DNAH2: variants seen among roughly 807,000 people sequenced by gnomAD.
DNAH2 encodes dynein axonemal heavy chain 2.
DNAH2 carries 323 observed loss-of-function variants against 523.5 expected under a neutral mutation model. That is an observed-to-expected ratio of 0.62 (90% CI 0.56 to 0.68). The LOEUF (loss-of-function observed/expected upper bound fraction) is 0.68, where lower values mean the gene tolerates loss of function less well. Ranked by LOEUF, DNAH2 falls within the 30% of genes least tolerant of loss-of-function variation. DNAH2 has a pLI of 0.00. For synonymous variants in DNAH2, 2,093 were observed against 2,177.4 expected (o/e 0.96, Z 1.08); for missense variants, 4,907 against 5,701.5 (o/e 0.86, Z 4.49).
At chr17:7,812,803 C>T (rs976624897) in intron 63 of DNAH2, among the ~76,000 whole-genome samples, 3 of 121,184 alleles carry the variant, frequency 2.5e-5, no homozygotes, top group African/African-American at 9.3e-5. Flanking sequence ...AAAAGCTGGG[C>T]GTGGTGGTGG....
In DNAH2 at chr17:7,831,410, T is replaced by C. The variant is rs781057830; in HGVS notation, c.12480T>C (p.Asp4160=). The C allele has an allele frequency of 3.7e-6, 6 of 1,614,090 alleles. No homozygotes were observed. Among genetic ancestry groups the C allele is most frequent in the Middle Eastern group, 1.6e-4 (1 of 6,062 alleles). ...CTCAGGTCCTTGAGTTGGCCGCTGATGTGAAGCAGAAGATCCCTGAAATGA... is the reference window on the plus strand; with the variant it reads ...CTCAGGTCCTTGAGTTGGCCGCTGACGTGAAGCAGAAGATCCCTGAAATGA... ...REEKVLELAA[D]VKQKIPEMID... is the part of the protein sequence containing the mutation. Residue 4160 remains aspartate (D), a synonymous_variant, in exon 81 of 86, where the codon GAT becomes GAC. Coordinates refer to ENST00000572933, the MANE Select transcript of DNAH2 (RefSeq NM_020877.5). The surrounding 1 kb of genome is among the most constrained non-coding windows in gnomAD (Gnocchi z 4.2).
intron 57 of DNAH2, 69 bp downstream of exon 57, chr17:7,801,779 G>C: frequency 1.2e-6 from 2 of 1,606,182 alleles, no homozygotes; most frequent in Non-Finnish European, 1.7e-6. Context: ...ATCTCTCATC[G>C]CACCCCCGGC....
At chr17:7,800,806 G>T (rs2077201522) in intron 56 of DNAH2, among the ~76,000 whole-genome samples, 1 of 149,174 alleles carries the variant, frequency 6.7e-6, no homozygotes, top group Non-Finnish European at 1.5e-5. Context: ...GGTGGAGCTT[G>T]CAGTGAGCCT....
intron 12 of DNAH2, among the ~76,000 whole-genome samples, chr17:7,744,900 G>A (rs1218986410): frequency 6.6e-6 from 1 of 152,216 alleles, no homozygotes; most frequent in East Asian, 1.9e-4. Context: ...TGGATATGAG[G>A]GCACACAGTT....
chr17:7,792,178 G>T, intron 45 of DNAH2, 74 bp from the exon 46 acceptor site: 1 of 1,602,236 alleles, frequency 6.2e-7, no homozygotes, highest in Non-Finnish European at 8.5e-7. Context: ...CCACCCGGTG[G>T]TCTGGGGCCC....
intron 12 of DNAH2, among the ~76,000 whole-genome samples, chr17:7,746,970 A>G (rs914514953): frequency 2.0e-5 from 3 of 151,602 alleles, no homozygotes; most frequent in Non-Finnish European, 4.4e-5. Flanking sequence ...CTGGGCAACA[A>G]GAGTGAAACT....
chr17:7,761,985 A>T (rs1597570728), intron 18 of DNAH2, among the ~76,000 whole-genome samples: 1 of 152,152 alleles, frequency 6.6e-6, no homozygotes, highest in East Asian at 1.9e-4. Context: ...AGTATCGCTG[A>T]AAGAGTGGTG....
intron 1 of DNAH2, 139 bp from the exon 2 acceptor site, chr17:7,719,582 G>A: frequency 9.2e-7 from 1 of 1,085,508 alleles, no homozygotes; most frequent in Non-Finnish European, 1.4e-6. Context: ...GGTTAATGGA[G>A]CAGGGTGTGG....
At chr17:7,755,829 T>G (rs1196213471) in intron 12 of DNAH2, among the ~76,000 whole-genome samples, 1 of 151,040 alleles carries the variant, frequency 6.6e-6, no homozygotes, top group African/African-American at 2.4e-5. Context: ...TTTGAGACAG[T>G]GTCTCTGTTG....
chr17:7,810,695 G>A (rs1463197660), intron 63 of DNAH2, among the ~76,000 whole-genome samples: 2 of 147,788 alleles, frequency 1.4e-5, no homozygotes, highest in African/African-American at 2.5e-5. Context: ...GCCCCCAAAT[G>A]TACCTTTTAA....
At chr17:7,784,213 G>A (rs574146645) in intron 39 of DNAH2, among the ~76,000 whole-genome samples, 2 of 152,138 alleles carry the variant, frequency 1.3e-5, no homozygotes, top group South Asian at 4.1e-4. Context: ...AAAATAAGTA[G>A]AGCAAATTTT....
Position 7,786,041 on chromosome 17 carries a change from C to G in DNAH2, c.6130-83C>G. The G allele has an allele frequency of 1.4e-6, 2 of 1,436,668 alleles. No homozygotes were observed. The highest frequency in any genetic ancestry group is 1.9e-6 in the Non-Finnish European group (2 of 1,037,404). The allele number at this position is 1,436,668 out of a possible 1,614,324, so 89.0% of individuals were successfully genotyped here. A position where few individuals can be genotyped will look rare whatever the true frequency, so the allele number is the denominator to read the frequency against. ...CCATTTTTAACAGTTTGAACGTATTCTCTCTGGCACCGGGGAGATTTTGAA... is the reference window on the plus strand; with the variant it reads ...CCATTTTTAACAGTTTGAACGTATTGTCTCTGGCACCGGGGAGATTTTGAA... On this transcript the variant is annotated intron_variant, in intron 39 of 85. Transcript: ENST00000572933. This position sits in a 1 kb window ranked among gnomAD's most constrained non-coding sequence, Gnocchi z 7.5.
intron 73 of DNAH2, among the ~76,000 whole-genome samples, chr17:7,822,368 C>T (rs1453183976): frequency 6.6e-6 from 1 of 152,222 alleles, no homozygotes; most frequent in African/African-American, 2.4e-5. Context: ...GCCACGCAGG[C>T]CTCATTGCCC....
chr17:7,771,498 C>G (rs1399015129), intron 28 of DNAH2, 30 bp downstream of exon 28: 19 of 1,611,692 alleles, frequency 1.2e-5, no homozygotes, highest in Non-Finnish European at 1.5e-5. Context: ...TGCCCTGACA[C>G]AGCCTCGGCA....
chr17:7,815,625 C>T (rs1224109618), intron 63 of DNAH2, among the ~76,000 whole-genome samples: 2 of 143,436 alleles, frequency 1.4e-5, no homozygotes, highest in African/African-American at 4.9e-5. Flanking sequence ...ATCACACACA[C>T]ATATACGGGA....
chr17:7,830,826 T>A lies in DNAH2; in HGVS notation c.12214T>A (p.Ser4072Thr). The change falls in exon 79 of 86, where the codon TCA (serine) becomes ACA (threonine). Residue 4072 changes from serine (S) to threonine (T), a missense_variant. Transcript: ENST00000572933. Reference protein sequence around the residue: ...INDYFCDQSLSTPFHRLSALE... With the variant: ...INDYFCDQSLTTPFHRLSALE... Reference sequence around the variant, plus strand: ...TGATTATTTCTGTGACCAGTCTCTATCAACTCCCTTCCACCGGTGAGGGGG... The same window carrying A: ...TGATTATTTCTGTGACCAGTCTCTAACAACTCCCTTCCACCGGTGAGGGGG... The A allele has an allele frequency of 6.2e-7, 1 of 1,614,018 alleles. No homozygotes were observed. The highest frequency in any genetic ancestry group is 8.5e-7 in the Non-Finnish European group (1 of 1,180,028).
rs1332809270 is a variant in DNAH2 at position 7,744,687 on chromosome 17, T to C, written c.1904+1545T>C. ...TGCTGAGCTTCCTGGTTTTGTGAGT[T>C]ATGGCCAAGCACAGCCACGTAAACA... On this transcript the variant is annotated intron_variant, in intron 12 of 85. Coordinates refer to ENST00000572933, the MANE Select transcript of DNAH2 (RefSeq NM_020877.5). 2.6e-5 allele frequency among the ~76,000 whole-genome samples: 4 copies of C among 152,188 alleles called. No individual in the cohort carries two copies. In the East Asian group the frequency reaches 7.7e-4, roughly 29 times the overall value.
At chr17:7,741,685 A>T (rs547696821) in intron 11 of DNAH2, among the ~76,000 whole-genome samples, 2 of 132,784 alleles carry the variant, frequency 1.5e-5, no homozygotes, top group Admixed American at 1.6e-4. Context: ...TTTTTCTGAG[A>T]TGGAGTTTTG....
Position 7,831,177 on chromosome 17 carries a change from C to A in DNAH2, c.12322C>A (p.Pro4108Thr), listed in dbSNP as rs1567771637. ...YISLLPGMDPPEAFGQHPNAD... is the reference protein window; with the variant it reads ...YISLLPGMDPTEAFGQHPNAD... Reference sequence around the variant, plus strand: ...CAGCTTATTGCCTGGCATGGACCCCCCTGAGGCCTTTGGCCAGCACCCCAA... The same window carrying A: ...CAGCTTATTGCCTGGCATGGACCCCACTGAGGCCTTTGGCCAGCACCCCAA... The change falls in exon 80 of 86, where the codon CCT (proline) becomes ACT (threonine). Residue 4108 changes from proline (P) to threonine (T), a missense_variant. Coordinates refer to ENST00000572933, the MANE Select transcript of DNAH2 (RefSeq NM_020877.5). The surrounding 1 kb of genome is among the most constrained non-coding windows in gnomAD (Gnocchi z 4.2). The A allele has an allele frequency of 1.9e-6, 3 of 1,614,080 alleles. No individual in the cohort carries two copies. The highest frequency in any genetic ancestry group is 2.5e-6 in the Non-Finnish European group (3 of 1,180,054).
Sources: gnomAD v4.1 joint callset for allele counts (sites outside exome capture counted in the v4.1 genomes callset) on GRCh38, gnomAD v4.1.1 for gene constraint, Gnocchi (gnomAD v3.1) non-coding constraint, MANE v1.5 for transcripts, NCBI Gene and HGNC (gene_info 2026-07-23, HGNC 2026-07-21) for gene names.